Variants in CWF19L1 observed in about 807,000 individuals in gnomAD.
CWF19L1 encodes the protein CWF19 like cell cycle control factor 1.
Under a neutral mutation model 69.7 loss-of-function variants are expected in CWF19L1, and 60 were observed. The ratio of observed to expected loss-of-function variants is 0.86; its 90% CI spans 0.70 to 1.07. The LOEUF is 1.07. CWF19L1 is among the 50% of genes least tolerant of loss of function. The pLI, the probability that CWF19L1 is intolerant of heterozygous loss-of-function variation, is 0.00. For synonymous variants in CWF19L1, 209 were observed against 222.2 expected (o/e 0.94, Z 0.53); for missense variants, 591 against 638.9 (o/e 0.92, Z 0.81).
intron 1 of CWF19L1, among the ~76,000 whole-genome samples, chr10:100,266,717 A>G (rs1010699562): frequency 2.1e-5 from 3 of 141,950 alleles, no homozygotes; most frequent in Non-Finnish European, 4.5e-5. Context: ...ACGGGGTGTC[A>G]CCACGTTGGC....
intron 11 of CWF19L1, 138 bp from the exon 12 acceptor site, chr10:100,237,107 G>A: frequency 1.0e-6 from 1 of 1,002,282 alleles, no homozygotes; most frequent in Non-Finnish European, 1.5e-6. Flanking sequence ...GGCCAGACAA[G>A]CCTGTGTCAG....
chr10:100,251,666 C>T (rs2134303116), intron 6 of CWF19L1, among the ~76,000 whole-genome samples: 1 of 152,206 alleles, frequency 6.6e-6, no homozygotes, highest in East Asian at 1.9e-4. Flanking sequence ...CGCCCGCCAC[C>T]ATGCCCAGCT....
chr10:100,257,022 A>G (rs74154614), intron 4 of CWF19L1, among the ~76,000 whole-genome samples: 1,802 of 152,310 alleles, frequency 0.012, 35 homozygotes, highest in African/African-American at 0.041. Flanking sequence ...TGGAAAGAAC[A>G]AGTGTTTAGG....
intron 3 of CWF19L1, among the ~76,000 whole-genome samples, chr10:100,260,714 G>A (rs537272356): frequency 2.4e-4 from 36 of 152,098 alleles, no homozygotes; most frequent in Non-Finnish European, 4.6e-4. Context: ...GTAGACACAC[G>A]GTTTCACCAT....
intron 7 of CWF19L1, chr10:100,248,950 G>A (rs1447300508): frequency 9.2e-6 from 7 of 761,442 alleles, no homozygotes; most frequent in Non-Finnish European, 1.4e-5. Context: ...GGCCACCGCA[G>A]GGAACAGCCT....
rs115514030 is a variant in CWF19L1 at position 100,248,889 on chromosome 10, C to A, written c.708+1359G>T. 3.9e-5 allele frequency: 38 copies of A among 984,918 alleles called. No individual in the cohort carries two copies. In the African/African-American group the frequency reaches 5.2e-4, roughly 14 times the overall value. 61.0% of individuals were successfully genotyped at this position (984,918 alleles called of 1,614,324 possible). Reference sequence around the variant, plus strand: ...CTGAGCAGCAGAAAAAGGCAGCCATCATCTCTGCTGAGGGCGATTCCAAGG... The same window carrying A: ...CTGAGCAGCAGAAAAAGGCAGCCATAATCTCTGCTGAGGGCGATTCCAAGG... On this transcript the variant is annotated intron_variant, in intron 7 of 13. Coordinates refer to ENST00000354105, the MANE Select transcript of CWF19L1 (RefSeq NM_018294.6).
chr10:100,262,544 A>ATGGTATT lies in CWF19L1; in HGVS notation c.24-482_24-481insAATACCA, dbSNP rs1444466825. On this transcript the variant is annotated intron_variant, in intron 1 of 13. Transcript: ENST00000354105. Reference sequence around the variant, plus strand: ...ACCATACGCTAAGTACAATATGCCAAGTATACTATGCTAAAAACATGTTAG... The same window carrying ATGGTATT: ...ACCATACGCTAAGTACAATATGCCAATGGTATTGTATACTATGCTAAAAACATGTTAG... 2.8e-4 allele frequency: 231 copies of ATGGTATT among 825,714 alleles called. No individual in the cohort carries two copies. The African/African-American group carries it at 4.0e-3, about 14-fold the overall frequency. 51.1% of individuals were successfully genotyped at this position (825,714 alleles called of 1,614,324 possible).
chr10:100,263,008 C>T (rs560663257), intron 1 of CWF19L1, among the ~76,000 whole-genome samples: 32 of 152,084 alleles, frequency 2.1e-4, no homozygotes, highest in African/African-American at 7.2e-4. Flanking sequence ...TGGCTCACTG[C>T]AACCTCCACT....
intron 2 of CWF19L1, 142 bp from the exon 3 acceptor site, chr10:100,261,186 C>A (rs1002303709): frequency 5.7e-5 from 34 of 596,448 alleles, no homozygotes; most frequent in African/African-American, 5.6e-4. Context: ...ATATACAATT[C>A]TTTAGCAGCA....
chr10:100,252,987 T>C (rs1188018717), intron 6 of CWF19L1, among the ~76,000 whole-genome samples: 1 of 152,192 alleles, frequency 6.6e-6, no homozygotes, highest in Non-Finnish European at 1.5e-5. Flanking sequence ...AATTAACATA[T>C]ACATTATCTC....
intron 10 of CWF19L1, among the ~76,000 whole-genome samples, chr10:100,242,486 C>T (rs1191588651): frequency 1.3e-5 from 2 of 152,142 alleles, no homozygotes; most frequent in African/African-American, 4.8e-5. Context: ...CCAGCCTGGC[C>T]AGCAGGGTGA....
At chr10:100,263,560 TC>T (rs1847473395) in intron 1 of CWF19L1, among the ~76,000 whole-genome samples, 1 of 152,196 alleles carries the variant, frequency 6.6e-6, no homozygotes, top group Non-Finnish European at 1.5e-5. Flanking sequence ...TTTCTAGTGT[TC>T]CCATAGGAGC....
chr10:100,255,859 G>C (rs1024188631), intron 5 of CWF19L1, among the ~76,000 whole-genome samples: 2 of 151,890 alleles, frequency 1.3e-5, no homozygotes, highest in Non-Finnish European at 2.9e-5. Flanking sequence ...GAACCCGGGA[G>C]GAGGAGGTTG....
intron 12 of CWF19L1, among the ~76,000 whole-genome samples, chr10:100,236,078 T>TAGTTCCA (rs1846424255): frequency 6.6e-6 from 1 of 151,766 alleles, no homozygotes; most frequent in Non-Finnish European, 1.5e-5. Context: ...CCCAGTGCTC[T>TAGTTCCA]AGTTCCAAAT....
intron 12 of CWF19L1, 84 bp downstream of exon 12, chr10:100,236,766 T>C: frequency 6.7e-7 from 1 of 1,496,148 alleles, no homozygotes; most frequent in Non-Finnish European, 9.0e-7. Context: ...CAAGACTCTG[T>C]CTCAAACAAA....
intron 6 of CWF19L1, among the ~76,000 whole-genome samples, chr10:100,252,834 C>CA (rs80333735): frequency 0.012 from 1,218 of 101,058 alleles, 20 homozygotes; most frequent in African/African-American, 0.036. Flanking sequence ...GACTCCGTCT[C>CA]AAAAAAAAAA....
chr10:100,244,677 A>AGGGC (rs1726405051), intron 9 of CWF19L1, among the ~76,000 whole-genome samples: 1 of 149,510 alleles, frequency 6.7e-6, no homozygotes, highest in African/African-American at 2.5e-5. Flanking sequence ...TTTTTGAGAC[A>AGGGC]GGGCCTTGCT....
Position 100,267,596 on chromosome 10 carries a change from G to A in CWF19L1, c.-3C>T. 2 of 1,614,212 alleles carry A rather than the reference G, an allele frequency of 1.2e-6. No individual in the cohort carries two copies. The highest frequency in any genetic ancestry group is 1.7e-5 in the Admixed American group (1 of 60,020). ...AGGCGCAGCGGTTTCTGTGCCATCT[G>A]TCCGAATAGTATGGGTTGCGACTGC... On this transcript the variant is annotated 5_prime_UTR_variant, in exon 1 of 14. Coordinates refer to ENST00000354105, the MANE Select transcript of CWF19L1 (RefSeq NM_018294.6).
chr10:100,250,389 G>T, intron 6 of CWF19L1, 57 bp from the exon 7 acceptor site: 1 of 1,071,894 alleles, frequency 9.3e-7, no homozygotes, highest in Non-Finnish European at 1.4e-6. Flanking sequence ...GATTTGCAAT[G>T]ACAAAATATG....
Sources: gnomAD v4.1 joint callset for allele counts (sites outside exome capture counted in the v4.1 genomes callset) on GRCh38, gnomAD v4.1.1 for gene constraint, MANE v1.5 for transcripts, NCBI Gene and HGNC (gene_info 2026-07-23, HGNC 2026-07-21) for gene names.